CYP4X1: variants seen among roughly 807,000 people sequenced by gnomAD.
CYP4X1 encodes the protein cytochrome P450 4X1.
A neutral mutation model predicts 57.9 loss-of-function variants in CYP4X1; 44 were observed. The ratio of observed to expected loss-of-function variants is 0.76; its 90% CI spans 0.60 to 0.98. The LOEUF is 0.98. CYP4X1 is among the 50% of genes least tolerant of loss of function. The pLI is 0.00. For synonymous variants in CYP4X1, 227 were observed against 228.6 expected, an observed-to-expected ratio of 0.99 and a Z score of 0.06; for missense variants, 532 against 623.9, an observed-to-expected ratio of 0.85 and a Z score of 1.57.
the CYP4X1 span, among the ~76,000 whole-genome samples, chr1:47,018,574 G>A: frequency 0.059 from 8,960 of 152,198 alleles, 310 homozygotes; most frequent in East Asian, 0.18. Flanking sequence ...CGAATGCAGC[G>A]CTGGAGTGGA....
At chr1:46,971,909 C>A in the CYP4X1 span, among the ~76,000 whole-genome samples, 3 of 152,136 alleles carry the variant, frequency 2.0e-5, no homozygotes, top group Non-Finnish European at 2.9e-5. Context: ...TTGATAATTT[C>A]TTTTGCTGTG....
chr1:47,046,382 T>C, intron 8 of CYP4X1, 85 bp from the exon 9 acceptor site: 1 of 1,569,604 alleles, frequency 6.4e-7, no homozygotes, highest in South Asian at 1.2e-5. Context: ...AACCTGAGGG[T>C]AATAATTACC....
At chr1:47,040,493 G>A (rs1204873542) in intron 8 of CYP4X1, among the ~76,000 whole-genome samples, 1 of 152,064 alleles carries the variant, frequency 6.6e-6, no homozygotes, top group Non-Finnish European at 1.5e-5. Flanking sequence ...CAACTCAATT[G>A]AAACATTTGT....
At chr1:47,001,333 T>C in the CYP4X1 span, among the ~76,000 whole-genome samples, 12 of 152,322 alleles carry the variant, frequency 7.9e-5, no homozygotes, top group African/African-American at 2.9e-4. Context: ...CAGAGTCTAA[T>C]CACATGGATG....
downstream of CYP4X1, among the ~76,000 whole-genome samples, chr1:47,051,366 G>A (rs1377483315): frequency 1.4e-5 from 2 of 139,956 alleles, no homozygotes; most frequent in South Asian, 2.3e-4. Flanking sequence ...GCGACAGAGC[G>A]AGACTCCATC....
In CYP4X1 at chr1:47,023,750, C is replaced by G. The variant is rs749367940; in HGVS notation, c.-68C>G. ...GGGGTGGGCGACCCTACGCCAGCTC[C>G]GGGCGGGAGAAAGCCCACCCTCTCC... On this transcript the variant is annotated 5_prime_UTR_variant, in exon 1 of 12. Coordinates refer to ENST00000371901, the MANE Select transcript of CYP4X1 (RefSeq NM_178033.2). The G allele has an allele frequency of 1.3e-6, 2 of 1,550,602 alleles. No homozygotes were observed. Among genetic ancestry groups the G allele is most frequent in the East Asian group, 2.3e-5 (1 of 43,632 alleles).
the CYP4X1 span, among the ~76,000 whole-genome samples, chr1:47,017,881 C>T: frequency 6.6e-6 from 1 of 152,196 alleles, no homozygotes; most frequent in Non-Finnish European, 1.5e-5. Context: ...GCTCTGACAA[C>T]CTTGGGCACA....
the CYP4X1 span, among the ~76,000 whole-genome samples, chr1:46,980,481 C>A: frequency 6.6e-6 from 1 of 152,088 alleles, no homozygotes; most frequent in Non-Finnish European, 1.5e-5. Context: ...TAAAAGAGGA[C>A]ACAAACAAAT....
At chr1:47,024,462 C>T (rs1174536469) in intron 1 of CYP4X1, among the ~76,000 whole-genome samples, 1 of 152,116 alleles carries the variant, frequency 6.6e-6, no homozygotes, top group African/African-American at 2.4e-5. Flanking sequence ...TAAGGAGCAG[C>T]CCCAGCCAGC....
At chr1:46,998,784 T>C in the CYP4X1 span, among the ~76,000 whole-genome samples, 1 of 152,110 alleles carries the variant, frequency 6.6e-6, no homozygotes, top group African/African-American at 2.4e-5. Context: ...TTTTATTTTG[T>C]ATATAGCTAG....
the CYP4X1 span, among the ~76,000 whole-genome samples, chr1:46,963,162 G>A: frequency 1.9e-4 from 29 of 152,222 alleles, no homozygotes; most frequent in East Asian, 4.8e-3. Flanking sequence ...CATGTGGGAT[G>A]GGTTTCCTGA....
At chr1:46,999,026 T>TGTGTGTG in the CYP4X1 span, among the ~76,000 whole-genome samples, 2,701 of 143,304 alleles carry the variant, frequency 0.019, 54 homozygotes, top group African/African-American at 0.049. Flanking sequence ...CTTGCTTTCT[T>TGTGTGTG]TGTGTGTGTG....
chr1:47,023,759 G>A lies in CYP4X1; in HGVS notation c.-59G>A. The A allele has an allele frequency of 6.4e-7, 1 of 1,568,176 alleles. No individual in the cohort carries two copies. Among genetic ancestry groups the A allele is most frequent in the Non-Finnish European group, 8.6e-7 (1 of 1,156,926 alleles). On this transcript the variant is annotated 5_prime_UTR_variant, in exon 1 of 12. Transcript: ENST00000371901. ...GACCCTACGCCAGCTCCGGGCGGGA[G>A]AAAGCCCACCCTCTCCCGCGCCCCA...
At chr1:47,003,295 A>C in the CYP4X1 span, 1 of 152,128 alleles carries the variant, frequency 6.6e-6, no homozygotes, top group African/African-American at 2.4e-5. Flanking sequence ...GTTTCTGTGG[A>C]CCTGGAAAGT....
the CYP4X1 span, among the ~76,000 whole-genome samples, chr1:46,985,193 A>T: frequency 1.3e-5 from 2 of 152,118 alleles, no homozygotes; most frequent in African/African-American, 4.8e-5. Context: ...TCTGAAAAAA[A>T]GGCAGCAGCC....
chr1:47,042,323 G>T, intron 8 of CYP4X1, among the ~76,000 whole-genome samples: 1 of 149,892 alleles, frequency 6.7e-6, no homozygotes, highest in Admixed American at 6.6e-5. Context: ...TAATGCCATT[G>T]GAATTTTGAT....
the CYP4X1 span, among the ~76,000 whole-genome samples, chr1:46,999,735 GCTGT>G: frequency 2.1e-5 from 3 of 143,900 alleles, no homozygotes; most frequent in African/African-American, 5.2e-5. Context: ...CAATTTGTGG[GCTGT>G]CTTTTAACTC....
At chr1:46,966,024 TC>T in the CYP4X1 span, among the ~76,000 whole-genome samples, 551 of 152,294 alleles carry the variant, frequency 3.6e-3, 2 homozygotes, top group Middle Eastern at 0.014. Flanking sequence ...GGGAGATCCT[TC>T]CTTGTCTGGA....
At chr1:46,998,153 T>C in the CYP4X1 span, among the ~76,000 whole-genome samples, 3 of 148,570 alleles carry the variant, frequency 2.0e-5, no homozygotes, top group Non-Finnish European at 4.5e-5. Context: ...TTTGTTTGTT[T>C]TTTGTAGGTT....
Sources: allele counts gnomAD v4.1 joint callset (sites outside exome capture counted in the v4.1 genomes callset), GRCh38; gene constraint gnomAD v4.1.1; transcripts MANE v1.5; gene names NCBI Gene and HGNC (gene_info 2026-07-23, HGNC 2026-07-21).